The following ARIH1 variants were observed in gnomAD, a reference collection of about 807,000 sequenced individuals.
ARIH1 encodes E3 ubiquitin-protein ligase ARIH1.
Under a neutral mutation model 85.0 loss-of-function variants are expected in ARIH1, and 8 were observed. That is an observed-to-expected ratio of 0.09 (90% CI 0.06 to 0.17). The LOEUF is 0.17. ARIH1 is among the 10% of genes least tolerant of loss of function. The pLI is 1.00. For synonymous variants in ARIH1, 238 were observed against 253.6 expected, an observed-to-expected ratio of 0.94 and a Z score of 0.59; for missense variants, 311 against 718.1, an observed-to-expected ratio of 0.43 and a Z score of 6.48.
intron 2 of ARIH1, among the ~76,000 whole-genome samples, chr15:72,532,161 T>C (rs1224148152): frequency 6.7e-6 from 1 of 148,370 alleles, no homozygotes; most frequent in Non-Finnish European, 1.5e-5. Context: ...CAAGAAGCCG[T>C]AAGATTTTTT....
At chr15:72,475,237 G>A (rs1567334013) in intron 1 of ARIH1, 1 of 1,032,978 alleles carries the variant, frequency 9.7e-7, no homozygotes, top group Non-Finnish European at 1.3e-6. Context: ...TGCTTCCCAA[G>A]TCCTGCTATG....
At chr15:72,536,708 C>G (rs3842946) in intron 2 of ARIH1, among the ~76,000 whole-genome samples, 117,311 of 152,030 alleles carry the variant, frequency 0.77, 51,507 homozygotes, top group Non-Finnish European at 0.96. Flanking sequence ...TGGTTAGTTC[C>G]TTAATCCACC....
intron 5 of ARIH1, among the ~76,000 whole-genome samples, chr15:72,558,463 G>A (rs773157467): frequency 1.2e-4 from 19 of 152,068 alleles, no homozygotes; most frequent in African/African-American, 4.1e-4. Context: ...CATCACGTCC[G>A]GATAAGTTTT....
intron 7 of ARIH1, 60 bp downstream of exon 7, chr15:72,563,560 A>T: frequency 2.1e-6 from 3 of 1,418,836 alleles, no homozygotes; most frequent in Non-Finnish European, 3.0e-6. Context: ...TCTCCTGTTT[A>T]TTCTTGGTAG....
chr15:72,489,047 A>G (rs1392850785), intron 1 of ARIH1, among the ~76,000 whole-genome samples: 1 of 152,154 alleles, frequency 6.6e-6, no homozygotes, highest in Non-Finnish European at 1.5e-5. Context: ...GTTTGAGACC[A>G]GCCTGGGCTA....
intron 1 of ARIH1, among the ~76,000 whole-genome samples, chr15:72,511,570 G>A (rs1016770191): frequency 2.0e-5 from 3 of 152,150 alleles, no homozygotes; most frequent in African/African-American, 7.2e-5. Context: ...CTCTCAAAGT[G>A]CTAGGATTAC....
intron 2 of ARIH1, among the ~76,000 whole-genome samples, chr15:72,524,175 C>G (rs2064015416): frequency 6.6e-6 from 1 of 151,642 alleles, no homozygotes. Context: ...TCTCGATCTC[C>G]TGACCTCGTG....
chr15:72,534,472 A>G (rs1360465048), intron 2 of ARIH1, among the ~76,000 whole-genome samples: 5 of 152,214 alleles, frequency 3.3e-5, no homozygotes, highest in African/African-American at 1.2e-4. Context: ...AAATCATTTT[A>G]AAACACATAT....
At chr15:72,486,539 C>T (rs1381598033) in intron 1 of ARIH1, among the ~76,000 whole-genome samples, 1 of 152,034 alleles carries the variant, frequency 6.6e-6, no homozygotes, top group South Asian at 2.1e-4. Flanking sequence ...TTTGATACAG[C>T]TTGGGGTATA....
intron 1 of ARIH1, among the ~76,000 whole-genome samples, chr15:72,482,793 C>G (rs1399223999): frequency 1.3e-5 from 2 of 150,630 alleles, no homozygotes; most frequent in African/African-American, 4.9e-5. Context: ...TGGTCTCTTA[C>G]AAGGCTGCAA....
intron 2 of ARIH1, among the ~76,000 whole-genome samples, chr15:72,542,915 A>G (rs1269224609): frequency 2.0e-5 from 3 of 150,230 alleles, no homozygotes; most frequent in Non-Finnish European, 4.4e-5. Flanking sequence ...AAAACTTGGT[A>G]TTTTATATTA....
chr15:72,517,016 T>C (rs983681533), intron 1 of ARIH1, among the ~76,000 whole-genome samples: 4 of 152,204 alleles, frequency 2.6e-5, no homozygotes, highest in African/African-American at 9.6e-5. Context: ...TGAGTTAAAA[T>C]TTTGTGCACA....
chr15:72,480,140 A>T (rs2140390121), intron 1 of ARIH1, among the ~76,000 whole-genome samples: 1 of 152,128 alleles, frequency 6.6e-6, no homozygotes, highest in East Asian at 1.9e-4. Context: ...AAGTGCTGGG[A>T]TTACAGGCAT....
chr15:72,505,961 C>G (rs1816058567), intron 1 of ARIH1, among the ~76,000 whole-genome samples: 1 of 152,086 alleles, frequency 6.6e-6, no homozygotes, highest in Admixed American at 6.5e-5. Flanking sequence ...GTCTTGAACT[C>G]CTGACCTCAT....
At chr15:72,481,507 G>A (rs1429526025) in intron 1 of ARIH1, among the ~76,000 whole-genome samples, 1 of 152,110 alleles carries the variant, frequency 6.6e-6, no homozygotes, top group African/African-American at 2.4e-5. Flanking sequence ...TCAGGAGTTT[G>A]AGACCAGCCT....
intron 3 of ARIH1, among the ~76,000 whole-genome samples, chr15:72,548,591 A>G (rs549865761): frequency 1.6e-4 from 25 of 152,340 alleles, no homozygotes; most frequent in Admixed American, 5.2e-4. Flanking sequence ...GGAAACTGCT[A>G]AGTGTTCCGA....
At chr15:72,476,426 G>C (rs944192688) in intron 1 of ARIH1, among the ~76,000 whole-genome samples, 2 of 152,162 alleles carry the variant, frequency 1.3e-5, no homozygotes, top group African/African-American at 4.8e-5. Flanking sequence ...GTGCAATGGC[G>C]CAATCTCTGC....
chr15:72,534,728 T>G (rs2064073349), intron 2 of ARIH1, among the ~76,000 whole-genome samples: 2 of 152,134 alleles, frequency 1.3e-5, no homozygotes, highest in South Asian at 4.1e-4. Flanking sequence ...CTCCCCGGAT[T>G]TGGGGTTTGA....
intron 2 of ARIH1, among the ~76,000 whole-genome samples, chr15:72,522,304 A>G (rs2064003747): frequency 6.6e-6 from 1 of 152,210 alleles, no homozygotes; most frequent in Non-Finnish European, 1.5e-5. Flanking sequence ...ACATGAGGCC[A>G]GGAGTTTGAG....
Sources: allele counts gnomAD v4.1 joint callset (sites outside exome capture counted in the v4.1 genomes callset), GRCh38; gene constraint gnomAD v4.1.1; transcripts MANE v1.5; gene names NCBI Gene and HGNC (gene_info 2026-07-23, HGNC 2026-07-21).